The following OSBPL5 variants were observed in gnomAD, a reference collection of about 807,000 sequenced individuals.
OSBPL5 encodes oxysterol binding protein like 5, also known as oxysterol-binding protein-related protein 5.
OSBPL5 carries 71 observed loss-of-function variants against 111.2 expected under a neutral mutation model. The ratio of observed to expected loss-of-function variants is 0.64; its 90% CI spans 0.53 to 0.78. The LOEUF (loss-of-function observed/expected upper bound fraction) is 0.78, where lower values mean the gene tolerates loss of function less well. Ranked by LOEUF, OSBPL5 falls within the 30% of genes least tolerant of loss-of-function variation. The pLI is 0.00. For missense variants in OSBPL5, 1,210 were observed against 1,189.3 expected (o/e 1.02, Z -0.26); for synonymous variants, 549 against 513.9 (o/e 1.07, Z -0.93).
chr11:3,094,277 G>C lies in OSBPL5; in HGVS notation c.1679C>G (p.Ala560Gly). ...CAGCTGGGCCTGGAAGTTGTTCTTCGCACACTCGATGGTGACCTTCCCACC... is the reference window on the plus strand; with the variant it reads ...CAGCTGGGCCTGGAAGTTGTTCTTCCCACACTCGATGGTGACCTTCCCACC... ...ELGGKVTIECAKNNFQAQLEF... is the reference protein window; with the variant it reads ...ELGGKVTIECGKNNFQAQLEF... Residue 560 changes from alanine to glycine, a missense_variant, in exon 15 of 22, where the codon GCG becomes GGG. Physicochemically the swap from Ala to Gly is moderately conservative, Grantham distance 60 (BLOSUM62 0). Transcript: ENST00000263650. 1.2e-6 allele frequency: 2 copies of C among 1,613,578 alleles called. No homozygotes were observed. Among genetic ancestry groups the C allele is most frequent in the Non-Finnish European group, 1.7e-6 (2 of 1,179,974 alleles).
intron 14 of OSBPL5, among the ~76,000 whole-genome samples, chr11:3,097,119 A>T: frequency 6.7e-6 from 1 of 149,512 alleles, no homozygotes; most frequent in Admixed American, 6.7e-5. Flanking sequence ...GGAGGAGGAG[A>T]GGAAAGAAGG....
chr11:3,123,442 T>A, intron 3 of OSBPL5, among the ~76,000 whole-genome samples: 1 of 152,104 alleles, frequency 6.6e-6, no homozygotes, highest in East Asian at 1.9e-4. Flanking sequence ...TCTTGGCACA[T>A]GGCCAGGCGA....
chr11:3,100,963 T>G (rs1857431684), intron 13 of OSBPL5, among the ~76,000 whole-genome samples: 3 of 148,002 alleles, frequency 2.0e-5, no homozygotes, highest in Admixed American at 6.7e-5. Context: ...GCAGTTTCAG[T>G]TTCATTTCTT....
intron 14 of OSBPL5, among the ~76,000 whole-genome samples, chr11:3,099,086 G>A (rs1292818830): frequency 6.6e-6 from 1 of 152,206 alleles, no homozygotes; most frequent in Non-Finnish European, 1.5e-5. Context: ...TTATAGGCAT[G>A]AGCCATCATG....
chr11:3,107,260 C>T lies in OSBPL5; in HGVS notation c.1059+3G>A. On this transcript the variant is annotated splice_donor_region_variant and intron_variant, in intron 9 of 21. Transcript: ENST00000263650. The surrounding 1 kb of genome is among the most constrained non-coding windows in gnomAD (Gnocchi z 6.1). ...TTGGGGCTCCTGGCTGGGGGGCTCT[C>T]ACCTCCCCCAGCTCCTCCTGGACCT... 1 of 1,610,870 alleles carries T rather than the reference C, an allele frequency of 6.2e-7. No individual in the cohort carries two copies. Among genetic ancestry groups the T allele is most frequent in the Non-Finnish European group, 8.5e-7 (1 of 1,179,012 alleles).
chr11:3,149,244 C>T (rs10766693), intron 1 of OSBPL5, among the ~76,000 whole-genome samples: 53,588 of 152,208 alleles, frequency 0.35, 10,153 homozygotes, highest in Non-Finnish European at 0.41. Flanking sequence ...TCCCCAAGGC[C>T]GGAATGCAGC....
In OSBPL5 at chr11:3,141,709, G is replaced by A. The variant is rs1590709465; in HGVS notation, c.-21-12540C>T. 1.3e-5 allele frequency among the ~76,000 whole-genome samples: 2 copies of A among 152,274 alleles called. No individual in the cohort carries two copies. The highest frequency in any genetic ancestry group is 3.4e-3 in the Middle Eastern group (1 of 294). Reference sequence around the variant, plus strand: ...TCATGCATCCCAGTGCTTTGCCGAGGTGCCTACGCCACCCTTGCATGTGTG... The same window carrying A: ...TCATGCATCCCAGTGCTTTGCCGAGATGCCTACGCCACCCTTGCATGTGTG... On this transcript the variant is annotated intron_variant, in intron 1 of 21. Transcript: ENST00000263650. The surrounding 1 kb of genome is among the most constrained non-coding windows in gnomAD (Gnocchi z 6.5).
At chr11:3,144,984 C>T (rs545451880) in intron 1 of OSBPL5, among the ~76,000 whole-genome samples, 1 of 152,254 alleles carries the variant, frequency 6.6e-6, no homozygotes, top group Non-Finnish European at 1.5e-5. Flanking sequence ...GGACGCTGTT[C>T]AGCCCATTAC....
At chr11:3,119,112 C>A (rs1185212300) in intron 7 of OSBPL5, among the ~76,000 whole-genome samples, 2 of 151,914 alleles carry the variant, frequency 1.3e-5, no homozygotes, top group African/African-American at 4.8e-5. Context: ...CGGGTTCAAG[C>A]AATCCTCCTG....
rs1180315917 is a variant in OSBPL5 at position 3,154,325 on chromosome 11, G to A, written c.-22+10891C>T. On this transcript the variant is annotated intron_variant, in intron 1 of 21. Transcript: ENST00000263650. The surrounding 1 kb of genome is among the most constrained non-coding windows in gnomAD (Gnocchi z 4.9). Reference sequence around the variant, plus strand: ...GGCTTGCTGACCCCAAACATGCCGAGTCACCCACATCCTGGCCTCCCCGCC... The same window carrying A: ...GGCTTGCTGACCCCAAACATGCCGAATCACCCACATCCTGGCCTCCCCGCC... Among the ~76,000 whole-genome samples, 1 of 152,238 alleles carries A rather than the reference G, an allele frequency of 6.6e-6. No individual in the cohort carries two copies. Among genetic ancestry groups the A allele is most frequent in the Non-Finnish European group, 1.5e-5 (1 of 68,048 alleles).
At position 3,126,580 on chromosome 11, in the gene OSBPL5, G is replaced by A; in HGVS notation, c.137-25C>T. 6.3e-7 allele frequency: 1 copy of A among 1,594,484 alleles called. No homozygotes were observed. Among genetic ancestry groups the A allele is most frequent in the Non-Finnish European group, 8.5e-7 (1 of 1,171,710 alleles). On this transcript the variant is annotated intron_variant, in intron 2 of 21. Coordinates refer to ENST00000263650, the MANE Select transcript of OSBPL5 (RefSeq NM_020896.4). This position sits in a 1 kb window ranked among gnomAD's most constrained non-coding sequence, Gnocchi z 6.5. The stretch of plus-strand genomic sequence containing the variant: ...CCTGCAAGAGAGCAGTGGGAGTGAG[G>A]ACCCAGGCATGGTGGCGTGGCCAGG...
At position 3,121,734 on chromosome 11, in the gene OSBPL5, T is replaced by G; in HGVS notation, c.402+263A>C. ...GGCCCCACCTTATTCGGAAATGGGG[T>G]CTTTGCAGACATAATCAGGTGAAGA... On this transcript the variant is annotated intron_variant, in intron 5 of 21. Transcript: ENST00000263650. This position sits in a 1 kb window ranked among gnomAD's most constrained non-coding sequence, Gnocchi z 4.3. 4 of 483,200 alleles carry G rather than the reference T, an allele frequency of 8.3e-6. No homozygotes were observed. Among genetic ancestry groups the G allele is most frequent in the African/African-American group, 2.0e-5 (1 of 51,132 alleles). The allele number at this position is 483,200 out of a possible 1,614,324, so 29.9% of individuals were successfully genotyped here. A position where few individuals can be genotyped will look rare whatever the true frequency, so the allele number is the denominator to read the frequency against.
In OSBPL5 at chr11:3,107,879, C is replaced by G. The variant is rs200769745; in HGVS notation, c.758G>C (p.Cys253Ser). Residue 253 changes from cysteine to serine, a missense_variant, in exon 8 of 22, where the codon TGC becomes TCC. Coordinates refer to ENST00000263650, the MANE Select transcript of OSBPL5 (RefSeq NM_020896.4). The surrounding 1 kb of genome is among the most constrained non-coding windows in gnomAD (Gnocchi z 6.1). ...RCSSLLRLGT[C>S]KPGRDGEPGT... ...TGGCTCCCCGTCTCGGCCCGGCTTG[C>G]AGGTGCCCAGTCTCAGTAGGCTAGA... 23 of 1,607,032 alleles carry G rather than the reference C, an allele frequency of 1.4e-5. No individual in the cohort carries two copies. The African/African-American group carries it at 2.7e-4, about 19-fold the overall frequency.
intron 6 of OSBPL5, among the ~76,000 whole-genome samples, chr11:3,120,170 G>C (rs549413228): frequency 3.2e-4 from 48 of 152,276 alleles, no homozygotes; most frequent in Middle Eastern, 6.8e-3. Context: ...TGTCCCTCCT[G>C]GACAGCAGCT....
At chr11:3,094,376 T>C (rs776618225) in intron 14 of OSBPL5, 42 bp from the exon 15 acceptor site, 2 of 1,546,336 alleles carry the variant, frequency 1.3e-6, no homozygotes, top group Non-Finnish European at 1.8e-6. Context: ...GCCCCAGCCC[T>C]GCTGAGCCCC....
intron 3 of OSBPL5, among the ~76,000 whole-genome samples, chr11:3,125,544 G>A (rs931683708): frequency 2.0e-5 from 3 of 152,166 alleles, no homozygotes; most frequent in Admixed American, 1.3e-4. Context: ...AACAAATCAC[G>A]CCTGTAATCC....
intron 7 of OSBPL5, among the ~76,000 whole-genome samples, chr11:3,115,191 T>C (rs1858167921): frequency 6.6e-6 from 1 of 152,246 alleles, no homozygotes; most frequent in Non-Finnish European, 1.5e-5. Flanking sequence ...CAGAAGGTAT[T>C]TGCTTTTGCC....
At position 3,120,554 on chromosome 11, in the gene OSBPL5, T is replaced by C; in HGVS notation, c.473A>G (p.Lys158Arg). 1.5e-5 allele frequency: 24 copies of C among 1,613,336 alleles called. No individual in the cohort carries two copies. Among genetic ancestry groups the C allele is most frequent in the East Asian group, 2.2e-5 (1 of 44,882 alleles). Residue 158 changes from lysine (K) to arginine (R), a missense_variant, in exon 6 of 22, where the codon AAG (lysine) becomes AGG (arginine). Physicochemically the swap from Lys to Arg is conservative, Grantham distance 26. Coordinates refer to ENST00000263650, the MANE Select transcript of OSBPL5 (RefSeq NM_020896.4). The stretch of plus-strand genomic sequence containing the variant: ...CACCCACTGGCCCACCTTGGGCGTC[T>C]TGTAGATGAGCAGCACCCCCGGCTT... ...VLKPGVLLIYKTPKVGQWVGT... is the reference protein window; with the variant it reads ...VLKPGVLLIYRTPKVGQWVGT...
intron 19 of OSBPL5, 137 bp from the exon 20 acceptor site, chr11:3,090,833 G>T: frequency 8.4e-7 from 1 of 1,190,020 alleles, no homozygotes; most frequent in Non-Finnish European, 1.2e-6. Flanking sequence ...GGGCTGTGGA[G>T]CTGGCTGGAG....
Sources: gnomAD v4.1 joint callset for allele counts (sites outside exome capture counted in the v4.1 genomes callset) on GRCh38, gnomAD v4.1.1 for gene constraint, Gnocchi (gnomAD v3.1) non-coding constraint, MANE v1.5 for transcripts, NCBI Gene and HGNC (gene_info 2026-07-23, HGNC 2026-07-21) for gene names.